Variants in NRG1 observed in about 807,000 individuals in gnomAD.
NRG1 encodes neuregulin 1, also known as pro-neuregulin-1, membrane-bound isoform.
NRG1 carries 18 observed loss-of-function variants against 63.8 expected under a neutral mutation model. The ratio of observed to expected loss-of-function variants is 0.28; its 90% CI spans 0.19 to 0.42. The LOEUF (loss-of-function observed/expected upper bound fraction) is 0.42, where lower values mean the gene tolerates loss of function less well. Ranked by LOEUF, NRG1 falls within the 10% of genes least tolerant of loss-of-function variation. The pLI is 1.00. For missense variants in NRG1, 762 were observed against 814.7 expected (o/e 0.94, Z 0.79); for synonymous variants, 302 against 301.3 (o/e 1.00, Z -0.02).
chr8:32,119,713 A>G (rs1481737), intron 1 of NRG1, among the ~76,000 whole-genome samples: 113,356 of 151,816 alleles, frequency 0.75, 42,832 homozygotes, highest in African/African-American at 0.82. Flanking sequence ...AATGACACCC[A>G]GGACAACTGG....
In NRG1 at chr8:32,581,357, G is replaced by T. The variant is rs553552352; in HGVS notation, c.101-14471G>T. Among the ~76,000 whole-genome samples, 23 of 152,308 alleles carry T rather than the reference G, an allele frequency of 1.5e-4. 1 individual carries two copies. The South Asian group carries it at 4.8e-3, about 32-fold the overall frequency. On this transcript the variant is annotated intron_variant, in intron 1 of 11. Coordinates refer to ENST00000356819, the Ensembl canonical transcript of NRG1. ...CCATATCATGGGCTAATATGATAGA[G>T]TAATAAAGGTAGTGATAACCCTGAT... is the stretch of plus-strand genomic sequence containing the variant.
At chr8:32,230,798 A>C (rs531195331) in intron 1 of NRG1, among the ~76,000 whole-genome samples, 1 of 102,708 alleles carries the variant, frequency 9.7e-6, no homozygotes, top group African/African-American at 3.8e-5. Flanking sequence ...ATTTTGATAC[A>C]TACAATGTAT....
At chr8:31,759,609 C>CCATA (rs1466703674) in intron 1 of NRG1, among the ~76,000 whole-genome samples, 1 of 152,050 alleles carries the variant, frequency 6.6e-6, no homozygotes, top group African/African-American at 2.4e-5. Flanking sequence ...TATGCCAGTA[C>CCATA]CATACTCTTA....
At chr8:32,295,182 T>G (rs1410731913) in intron 1 of NRG1, among the ~76,000 whole-genome samples, 2 of 152,168 alleles carry the variant, frequency 1.3e-5, no homozygotes, top group African/African-American at 2.4e-5. Flanking sequence ...TGATTAAAAT[T>G]TGATAAGCTT....
chr8:31,789,436 G>C (rs1221448769), intron 1 of NRG1, among the ~76,000 whole-genome samples: 1 of 152,196 alleles, frequency 6.6e-6, no homozygotes, highest in Non-Finnish European at 1.5e-5. Context: ...GGGTCATCCT[G>C]AGTAAGAACA....
At chr8:32,292,843 C>T (rs566209638) in intron 1 of NRG1, among the ~76,000 whole-genome samples, 11 of 152,062 alleles carry the variant, frequency 7.2e-5, no homozygotes, top group Non-Finnish European at 1.2e-4. Flanking sequence ...CGGTGGCTCA[C>T]GCCTGTAATC....
At chr8:32,544,078 C>T (rs779734622), upstream of NRG1, among the ~76,000 whole-genome samples, 1 of 152,078 alleles carries the variant, frequency 6.6e-6, no homozygotes, top group Non-Finnish European at 1.5e-5. Context: ...TTAATGTCTC[C>T]TATTTATAGT....
chr8:31,639,910 A>G, intron 1 of NRG1: 1 of 1,090,688 alleles, frequency 9.2e-7, no homozygotes, highest in Non-Finnish European at 1.1e-6. Context: ...TGCGAGGGGA[A>G]GGAAAAGGGA....
intron 1 of NRG1, among the ~76,000 whole-genome samples, chr8:31,980,515 T>A (rs1339450109): frequency 6.6e-6 from 1 of 152,100 alleles, no homozygotes; most frequent in Non-Finnish European, 1.5e-5. Context: ...GCTTAGAAAA[T>A]GCTTTCATCT....
At chr8:32,543,505 TTA>T (rs1221155542), upstream of NRG1, among the ~76,000 whole-genome samples, 13 of 152,052 alleles carry the variant, frequency 8.5e-5, no homozygotes, top group Admixed American at 7.9e-4. Context: ...TATATCTGCC[TTA>T]TTACAGAAGA....
chr8:32,071,239 C>T (rs929882788), intron 1 of NRG1, among the ~76,000 whole-genome samples: 1 of 152,096 alleles, frequency 6.6e-6, no homozygotes, highest in African/African-American at 2.4e-5. Flanking sequence ...ATCCTTAACT[C>T]GATAGGAGGC....
chr8:32,168,530 G>T (rs1368373830), intron 1 of NRG1, among the ~76,000 whole-genome samples: 1 of 152,236 alleles, frequency 6.6e-6, no homozygotes, highest in Non-Finnish European at 1.5e-5. Context: ...GTTGCTGGTT[G>T]AATTTAGTGC....
At chr8:31,990,764 T>C (rs1451822465) in intron 1 of NRG1, among the ~76,000 whole-genome samples, 2 of 152,086 alleles carry the variant, frequency 1.3e-5, no homozygotes, top group Non-Finnish European at 2.9e-5. Flanking sequence ...GGTTGAAATA[T>C]CAGCATGAAG....
intron 1 of NRG1, among the ~76,000 whole-genome samples, chr8:31,994,859 T>C (rs1382198233): frequency 6.6e-6 from 1 of 151,806 alleles, no homozygotes; most frequent in Non-Finnish European, 1.5e-5. Flanking sequence ...GGCCTCTATT[T>C]GATTGAAAAT....
chr8:31,777,158 A>G (rs1819229461), intron 1 of NRG1, among the ~76,000 whole-genome samples: 1 of 152,220 alleles, frequency 6.6e-6, no homozygotes, highest in South Asian at 2.1e-4. Flanking sequence ...TAAAGATTTG[A>G]CTACTGGATG....
At chr8:32,173,582 T>C (rs1440846023) in intron 1 of NRG1, among the ~76,000 whole-genome samples, 1 of 152,076 alleles carries the variant, frequency 6.6e-6, no homozygotes, top group Non-Finnish European at 1.5e-5. Context: ...CAGTGTGCTG[T>C]ATTCAGGAAA....
chr8:32,525,002 C>T (rs2129510248), intron 1 of NRG1, among the ~76,000 whole-genome samples: 1 of 152,300 alleles, frequency 6.6e-6, no homozygotes, highest in African/African-American at 2.4e-5. Flanking sequence ...AAATATAATG[C>T]AATCCAATAT....
At chr8:32,091,234 C>T (rs1335908627) in intron 1 of NRG1, among the ~76,000 whole-genome samples, 3 of 149,466 alleles carry the variant, frequency 2.0e-5, no homozygotes, top group Non-Finnish European at 4.4e-5. Flanking sequence ...GCTGAGATCA[C>T]GCCACTGCAC....
chr8:31,693,536 A>G (rs75309607), intron 1 of NRG1, among the ~76,000 whole-genome samples: 12 of 152,088 alleles, frequency 7.9e-5, no homozygotes, highest in African/African-American at 2.9e-4. Flanking sequence ...AGCAACCTCT[A>G]TGAAATGAGG....
Sources: allele counts gnomAD v4.1 joint callset (sites outside exome capture counted in the v4.1 genomes callset), GRCh38; gene constraint gnomAD v4.1.1; transcripts MANE v1.5; gene names NCBI Gene and HGNC (gene_info 2026-07-23, HGNC 2026-07-21).